Variants in PPARGC1A observed in about 807,000 individuals in gnomAD.
PPARGC1A encodes PPARG coactivator 1 alpha.
In PPARGC1A, 25 loss-of-function variants were observed where a neutral mutation model predicts 88.7. The ratio of observed to expected loss-of-function variants is 0.28; its 90% confidence interval spans 0.21 to 0.39. The LOEUF (loss-of-function observed/expected upper bound fraction) is 0.39. PPARGC1A is among the 10% of genes least tolerant of loss of function. The pLI is 1.00. For missense variants in PPARGC1A, 880 were observed against 968.7 expected, an observed-to-expected ratio of 0.91 and a Z score of 1.22; for synonymous variants, 363 against 355.6, an observed-to-expected ratio of 1.02 and a Z score of -0.24.
the PPARGC1A span, among the ~76,000 whole-genome samples, chr4:24,301,904 TCTG>T: frequency 6.6e-6 from 1 of 152,100 alleles, no homozygotes; most frequent in African/African-American, 2.4e-5. Context: ...CCCATAAATG[TCTG>T]CTGAAGGAAT....
the PPARGC1A span, among the ~76,000 whole-genome samples, chr4:24,070,041 A>AT: frequency 6.6e-6 from 1 of 152,114 alleles, no homozygotes; most frequent in African/African-American, 2.4e-5. Flanking sequence ...TGCATCAGGG[A>AT]TTTTATATAA....
chr4:24,282,934 G>C, the PPARGC1A span, among the ~76,000 whole-genome samples: 1 of 152,174 alleles, frequency 6.6e-6, no homozygotes, highest in Non-Finnish European at 1.5e-5. Flanking sequence ...TCATTTGACT[G>C]ACCTTCAGGG....
chr4:24,467,287 GA>G, the PPARGC1A span, among the ~76,000 whole-genome samples: 1 of 152,182 alleles, frequency 6.6e-6, no homozygotes, highest in African/African-American at 2.4e-5. Context: ...GGGGTTCTGT[GA>G]GCTGGATTTA....
the PPARGC1A span, among the ~76,000 whole-genome samples, chr4:24,267,413 CTTCCCCTTCCCT>C: frequency 1.3e-5 from 2 of 152,216 alleles, no homozygotes; most frequent in African/African-American, 4.8e-5. Flanking sequence ...ATGTAGGTTC[CTTCCCCTTCCCT>C]TTCCCCTTCA....
the PPARGC1A span, among the ~76,000 whole-genome samples, chr4:24,135,587 G>C: frequency 2.6e-5 from 4 of 152,116 alleles, no homozygotes; most frequent in South Asian, 2.1e-4. Context: ...CACTAGTAGA[G>C]TTTGACTCCC....
chr4:23,971,159 T>C, the PPARGC1A span, among the ~76,000 whole-genome samples: 1 of 152,182 alleles, frequency 6.6e-6, no homozygotes, highest in African/African-American at 2.4e-5. Context: ...TATATACATA[T>C]ATTAAGAATA....
the PPARGC1A span, among the ~76,000 whole-genome samples, chr4:24,217,965 T>G: frequency 2.0e-5 from 3 of 152,216 alleles, no homozygotes; most frequent in South Asian, 6.2e-4. Flanking sequence ...TATACAAAAA[T>G]CACAAAACTT....
chr4:24,197,118 A>G, the PPARGC1A span, among the ~76,000 whole-genome samples: 476 of 152,322 alleles, frequency 3.1e-3, 7 homozygotes, highest in East Asian at 0.017. Flanking sequence ...CACCCTTCTA[A>G]CAAATCAGGA....
At chr4:23,800,302 T>A (rs976527609) in intron 12 of PPARGC1A, among the ~76,000 whole-genome samples, 1 of 152,120 alleles carries the variant, frequency 6.6e-6, no homozygotes, top group African/African-American at 2.4e-5. Flanking sequence ...TCACTTTCCT[T>A]CCTCAAAGAA....
chr4:23,829,735 G>T, intron 3 of PPARGC1A, 150 bp from the exon 4 acceptor site: 1 of 665,078 alleles, frequency 1.5e-6, no homozygotes, highest in Non-Finnish European at 2.2e-6. Context: ...GCGCAATAGT[G>T]CTACAGGAAA....
chr4:24,279,024 C>T, the PPARGC1A span, among the ~76,000 whole-genome samples: 1 of 152,232 alleles, frequency 6.6e-6, no homozygotes, highest in Non-Finnish European at 1.5e-5. Context: ...GGAAAGCTTA[C>T]AAGGCTGAGG....
chr4:24,366,481 CTGTT>C, the PPARGC1A span, among the ~76,000 whole-genome samples: 4 of 152,294 alleles, frequency 2.6e-5, no homozygotes, highest in East Asian at 1.9e-4. Context: ...AGTTTGCTGT[CTGTT>C]TGTTTCACTT....
the PPARGC1A span, among the ~76,000 whole-genome samples, chr4:23,976,364 G>A: frequency 3.9e-5 from 6 of 152,310 alleles, no homozygotes; most frequent in South Asian, 2.1e-4. Context: ...TAAAAGGAGG[G>A]TGAGGGTGGG....
At chr4:24,125,484 C>T in the PPARGC1A span, among the ~76,000 whole-genome samples, 1 of 152,170 alleles carries the variant, frequency 6.6e-6, no homozygotes, top group Non-Finnish European at 1.5e-5. Flanking sequence ...GCCAGGGATC[C>T]TCTCTTCTCA....
the PPARGC1A span, among the ~76,000 whole-genome samples, chr4:24,427,285 T>TA: frequency 0.014 from 2,169 of 149,866 alleles, 36 homozygotes; most frequent in African/African-American, 0.05. Context: ...TTTATTTATT[T>TA]TTTTTTTTTT....
chr4:23,870,785 A>T (rs529302205), intron 2 of PPARGC1A, among the ~76,000 whole-genome samples: 2 of 152,308 alleles, frequency 1.3e-5, no homozygotes, highest in African/African-American at 4.8e-5. Flanking sequence ...TAAATTTTTA[A>T]TGGCTACAGA....
chr4:24,010,072 T>C, the PPARGC1A span, among the ~76,000 whole-genome samples: 20 of 152,276 alleles, frequency 1.3e-4, no homozygotes, highest in South Asian at 2.1e-4. Flanking sequence ...GGAGGCTACA[T>C]TGGTTCGGAA....
chr4:23,816,550 A>AG (rs937913189), intron 7 of PPARGC1A, among the ~76,000 whole-genome samples: 2 of 152,186 alleles, frequency 1.3e-5, no homozygotes, highest in Non-Finnish European at 2.9e-5. Context: ...GATAAAAAAA[A>AG]AAGCACATTC....
At chr4:24,468,450 CTATGA>C in the PPARGC1A span, among the ~76,000 whole-genome samples, 1 of 152,166 alleles carries the variant, frequency 6.6e-6, no homozygotes, top group Admixed American at 6.5e-5. Context: ...CACACACTTG[CTATGA>C]TATGTTTTGC....
Sources: gnomAD v4.1 joint callset for allele counts (sites outside exome capture counted in the v4.1 genomes callset) on GRCh38, gnomAD v4.1.1 for gene constraint, MANE v1.5 for transcripts, NCBI Gene and HGNC (gene_info 2026-07-23, HGNC 2026-07-21) for gene names.